The following CCNYL1 variants were observed in gnomAD, a reference collection of about 807,000 sequenced individuals.
The protein encoded by CCNYL1 is cyclin Y like 1.
Under a neutral mutation model 44.2 loss-of-function variants are expected in CCNYL1, and 16 were observed. The observed-to-expected ratio is 0.36, with a 90% confidence interval of 0.25 to 0.55. The LOEUF (loss-of-function observed/expected upper bound fraction) is 0.55, where lower values mean the gene tolerates loss of function less well. CCNYL1 is among the 20% of genes least tolerant of loss of function. The pLI, the probability that CCNYL1 is intolerant of heterozygous loss-of-function variation, is 0.85. For missense variants in CCNYL1, 348 were observed against 451.8 expected, an observed-to-expected ratio of 0.77 and a Z score of 2.08; for synonymous variants, 159 against 163.2, an observed-to-expected ratio of 0.97 and a Z score of 0.20.
intron 1 of CCNYL1, among the ~76,000 whole-genome samples, chr2:207,716,399 C>T (rs1206188848): frequency 6.8e-6 from 1 of 146,700 alleles, no homozygotes; most frequent in Non-Finnish European, 1.5e-5. Flanking sequence ...ATAGAGAATA[C>T]AGAAAAGTCA....
chr2:207,724,069 A>G (rs1259640930), intron 1 of CCNYL1, among the ~76,000 whole-genome samples: 1 of 152,144 alleles, frequency 6.6e-6, no homozygotes, highest in African/African-American at 2.4e-5. Context: ...TTATCTTGAC[A>G]TAGATAGGGG....
At chr2:207,728,155 G>A (rs536195715) in intron 3 of CCNYL1, among the ~76,000 whole-genome samples, 18 of 151,958 alleles carry the variant, frequency 1.2e-4, no homozygotes, top group Non-Finnish European at 1.8e-4. Flanking sequence ...ATAGAGACGG[G>A]GTTTCACCAT....
chr2:207,737,388 A>C, intron 4 of CCNYL1, 23 bp from the exon 5 acceptor site: 1 of 1,584,314 alleles, frequency 6.3e-7, no homozygotes, highest in Non-Finnish European at 8.7e-7. Flanking sequence ...GTTGTTAAAA[A>C]TAATTTTTTT....
At chr2:207,745,646 T>C (rs2091849438) in intron 7 of CCNYL1, among the ~76,000 whole-genome samples, 1 of 152,204 alleles carries the variant, frequency 6.6e-6, no homozygotes, top group African/African-American at 2.4e-5. Flanking sequence ...AAATAAGCTC[T>C]GTTAAAATGA....
At chr2:207,712,341 T>C (rs1052675630) in intron 1 of CCNYL1, among the ~76,000 whole-genome samples, 1 of 152,234 alleles carries the variant, frequency 6.6e-6, no homozygotes, top group African/African-American at 2.4e-5. Flanking sequence ...TTGCTCCCGC[T>C]TCCCATTCTC....
chr2:207,746,987 A>C, intron 7 of CCNYL1, 60 bp from the exon 8 acceptor site: 1 of 1,439,036 alleles, frequency 6.9e-7, no homozygotes, highest in South Asian at 1.3e-5. Flanking sequence ...AAAAAAAAAA[A>C]AAAGCTTATC....
intron 1 of CCNYL1, among the ~76,000 whole-genome samples, chr2:207,713,823 GTTAA>G (rs1324712187): frequency 6.6e-6 from 1 of 152,164 alleles, no homozygotes; most frequent in Non-Finnish European, 1.5e-5. Context: ...TATTATGTGA[GTTAA>G]TTGATTGTAC....
chr2:207,711,732 G>C lies in CCNYL1; in HGVS notation c.-165G>C. On this transcript the variant is annotated 5_prime_UTR_variant, in exon 1 of 10. Coordinates refer to ENST00000295414, the MANE Select transcript of CCNYL1 (RefSeq NM_001330218.2). ...TGCCCGGGGCCGGGCCGCGGGGCGG[G>C]CGGGCGAACCGCGGGCGAGGCGGCG... 1 of 287,344 alleles carries C rather than the reference G, an allele frequency of 3.5e-6. No individual in the cohort carries two copies. 17.8% of individuals were successfully genotyped at this position (287,344 alleles called of 1,614,324 possible).
At chr2:207,741,889 G>A (rs536992008) in intron 6 of CCNYL1, among the ~76,000 whole-genome samples, 2 of 149,948 alleles carry the variant, frequency 1.3e-5, no homozygotes, top group Non-Finnish European at 3.0e-5. Flanking sequence ...GGTGTCTCAC[G>A]CGTGTAATCC....
intron 3 of CCNYL1, among the ~76,000 whole-genome samples, chr2:207,733,215 C>G (rs2091742655): frequency 6.6e-6 from 1 of 152,114 alleles, no homozygotes; most frequent in Non-Finnish European, 1.5e-5. Context: ...TGATGCCTGT[C>G]AAATAACTTA....
intron 9 of CCNYL1, among the ~76,000 whole-genome samples, chr2:207,753,239 A>G (rs2091907709): frequency 6.6e-6 from 1 of 152,056 alleles, no homozygotes; most frequent in African/African-American, 2.4e-5. Flanking sequence ...TTTTTGCACA[A>G]GTGTACGTTT....
At chr2:207,729,575 A>C (rs922809307) in intron 3 of CCNYL1, among the ~76,000 whole-genome samples, 1 of 151,986 alleles carries the variant, frequency 6.6e-6, no homozygotes, top group African/African-American at 2.4e-5. Context: ...TTGGAGGCCA[A>C]GCTAGCCTTT....
chr2:207,736,276 C>G (rs2091763977), intron 4 of CCNYL1, among the ~76,000 whole-genome samples: 1 of 152,192 alleles, frequency 6.6e-6, no homozygotes, highest in African/African-American at 2.4e-5. Flanking sequence ...AAAGTGCTAA[C>G]ATTGTATGGA....
chr2:207,750,404 CTTAT>C (rs1272959232), intron 8 of CCNYL1, among the ~76,000 whole-genome samples: 1 of 152,044 alleles, frequency 6.6e-6, no homozygotes, highest in Non-Finnish European at 1.5e-5. Context: ...ATGTAGCTTG[CTTAT>C]TTATTTATTT....
At chr2:207,724,389 T>TTGAGCTGGTGCAC (rs774622096) in intron 1 of CCNYL1, among the ~76,000 whole-genome samples, 23 of 152,236 alleles carry the variant, frequency 1.5e-4, no homozygotes, top group Non-Finnish European at 3.2e-4. Flanking sequence ...ATTTGATGTA[T>TTGAGCTGGTGCAC]TGAGCTGGTG....
intron 1 of CCNYL1, among the ~76,000 whole-genome samples, chr2:207,716,339 C>CTTT (rs34650916): frequency 1.5e-5 from 2 of 129,690 alleles, no homozygotes; most frequent in African/African-American, 2.9e-5. Flanking sequence ...TAAGCCCTCT[C>CTTT]TTTTTTTTTT....
intron 3 of CCNYL1, among the ~76,000 whole-genome samples, chr2:207,729,448 C>G (rs1205687176): frequency 6.6e-6 from 1 of 151,968 alleles, no homozygotes. Context: ...CCATGCATTC[C>G]TTTTTCCTAT....
At chr2:207,721,300 ACTTT>A (rs1234944768) in intron 1 of CCNYL1, among the ~76,000 whole-genome samples, 6 of 152,198 alleles carry the variant, frequency 3.9e-5, no homozygotes, top group Non-Finnish European at 1.5e-5. Context: ...TCTGTCAGTT[ACTTT>A]CTTGGTTGCT....
intron 4 of CCNYL1, among the ~76,000 whole-genome samples, chr2:207,735,315 C>T (rs935000726): frequency 3.3e-5 from 5 of 152,142 alleles, no homozygotes; most frequent in Admixed American, 6.6e-5. Context: ...CTTACTAGTG[C>T]GTTATTCTCA....
Sources: allele counts gnomAD v4.1 joint callset (sites outside exome capture counted in the v4.1 genomes callset), GRCh38; gene constraint gnomAD v4.1.1; transcripts MANE v1.5; gene names NCBI Gene and HGNC (gene_info 2026-07-23, HGNC 2026-07-21).